CSMD1: variants seen among roughly 807,000 people sequenced by gnomAD.
CSMD1 encodes the protein CUB and Sushi multiple domains 1.
In CSMD1, 213 loss-of-function variants were observed where a neutral mutation model predicts 417.5. The ratio of observed to expected loss-of-function variants is 0.51; its 90% confidence interval spans 0.46 to 0.57. The LOEUF (loss-of-function observed/expected upper bound fraction) is 0.57, where lower values mean the gene tolerates loss of function less well. Among genes scored for constraint, CSMD1 ranks in the 20% least tolerant of loss-of-function variants. The probability of loss-of-function intolerance (pLI) is 0.00; values close to 1 mark genes in which losing one functional copy is unlikely to be tolerated. For missense variants in CSMD1, 6,923 were observed against 4,529.7 expected, an observed-to-expected ratio of 1.53 and a Z score of -15.17; for synonymous variants, 2,862 against 1,736.8, an observed-to-expected ratio of 1.65 and a Z score of -16.11.
At chr8:4,581,089 T>A (rs901561671) in intron 2 of CSMD1, among the ~76,000 whole-genome samples, 3 of 152,166 alleles carry the variant, frequency 2.0e-5, no homozygotes, top group Non-Finnish European at 4.4e-5. Flanking sequence ...CATTTTAAGG[T>A]AAACATTCAA....
chr8:3,430,337 T>A (rs1814136403), intron 12 of CSMD1, among the ~76,000 whole-genome samples: 1 of 152,200 alleles, frequency 6.6e-6, no homozygotes, highest in African/African-American at 2.4e-5. Context: ...ATTTTGTATG[T>A]GTTGTATAGA....
intron 40 of CSMD1, among the ~76,000 whole-genome samples, chr8:3,150,074 G>T (rs1221420416): frequency 6.6e-6 from 1 of 152,130 alleles, no homozygotes; most frequent in East Asian, 1.9e-4. Flanking sequence ...GCCCAGCTTG[G>T]GAGAACAGTG....
At chr8:4,858,515 C>G (rs892907307) in intron 1 of CSMD1, among the ~76,000 whole-genome samples, 3 of 151,900 alleles carry the variant, frequency 2.0e-5, no homozygotes, top group Non-Finnish European at 4.4e-5. Context: ...TCCAGAAAAC[C>G]CCAATGTCTC....
intron 52 of CSMD1, among the ~76,000 whole-genome samples, chr8:3,017,191 T>G (rs1808909094): frequency 6.6e-6 from 1 of 152,188 alleles, no homozygotes; most frequent in African/African-American, 2.4e-5. Context: ...GACGTGAGTG[T>G]CTCGGACCAC....
intron 38 of CSMD1, among the ~76,000 whole-genome samples, chr8:3,158,793 G>T (rs2129038892): frequency 1.3e-5 from 2 of 152,044 alleles, no homozygotes; most frequent in Middle Eastern, 3.4e-3. Flanking sequence ...AGCCAGGTTT[G>T]CTTATCTCAT....
chr8:3,173,517 T>A (rs1205067568), intron 37 of CSMD1, among the ~76,000 whole-genome samples: 1 of 152,202 alleles, frequency 6.6e-6, no homozygotes, highest in Non-Finnish European at 1.5e-5. Flanking sequence ...GAAAATTTTT[T>A]GAAATGAATA....
At chr8:4,427,970 G>A (rs150941624) in intron 2 of CSMD1, among the ~76,000 whole-genome samples, 1 of 152,096 alleles carries the variant, frequency 6.6e-6, no homozygotes, top group Non-Finnish European at 1.5e-5. Flanking sequence ...CTGACTCCTT[G>A]CTGTGACACC....
chr8:3,495,642 C>A (rs984827206), intron 10 of CSMD1, among the ~76,000 whole-genome samples: 1 of 152,172 alleles, frequency 6.6e-6, no homozygotes, highest in African/African-American at 2.4e-5. Context: ...TGTCATATGG[C>A]ATTTTACAAA....
intron 6 of CSMD1, among the ~76,000 whole-genome samples, chr8:3,732,364 G>A (rs1489720060): frequency 6.6e-6 from 1 of 151,782 alleles, no homozygotes; most frequent in Non-Finnish European, 1.5e-5. Flanking sequence ...GTAAACCAAT[G>A]AAATTTTATT....
chr8:4,221,753 C>A (rs1039977920), intron 3 of CSMD1, among the ~76,000 whole-genome samples: 39 of 152,250 alleles, frequency 2.6e-4, no homozygotes, highest in African/African-American at 8.9e-4. Flanking sequence ...GCTGGGCTAG[C>A]CTACATTGAG....
chr8:4,294,891 G>C (rs1353140052), intron 3 of CSMD1, among the ~76,000 whole-genome samples: 2 of 151,726 alleles, frequency 1.3e-5, no homozygotes, highest in Admixed American at 1.3e-4. Context: ...AGCTGTCAAT[G>C]TGTATGGAAC....
Position 3,498,486 on chromosome 8 carries a change from T to C in CSMD1, c.1345-4760A>G, listed in dbSNP as rs146491077. On this transcript the variant is annotated intron_variant, in intron 10 of 69. Coordinates refer to ENST00000635120, the MANE Select transcript of CSMD1 (RefSeq NM_033225.6). Reference sequence around the variant, plus strand: ...TTATAATGCTCTTTGGAGAGCATCTTTGGCATTAGATCTGTTTGGTGATCT... The same window carrying C: ...TTATAATGCTCTTTGGAGAGCATCTCTGGCATTAGATCTGTTTGGTGATCT... 2.3e-3 allele frequency among the ~76,000 whole-genome samples: 356 copies of C among 152,326 alleles called. 2 individuals are homozygous for C. Among genetic ancestry groups the C allele is most frequent in the African/African-American group, 7.9e-3 (329 of 41,576 alleles).
intron 1 of CSMD1, among the ~76,000 whole-genome samples, chr8:4,848,715 T>C (rs573897806): frequency 6.6e-6 from 1 of 152,118 alleles, no homozygotes; most frequent in Non-Finnish European, 1.5e-5. Context: ...AATTTTTGTA[T>C]ATTTTTATAG....
chr8:3,734,385 C>CT (rs1354778860), intron 6 of CSMD1, among the ~76,000 whole-genome samples: 1 of 152,166 alleles, frequency 6.6e-6, no homozygotes, highest in Non-Finnish European at 1.5e-5. Flanking sequence ...TTGCTTCTGC[C>CT]TGGAAGCATT....
intron 3 of CSMD1, among the ~76,000 whole-genome samples, chr8:4,036,976 T>A (rs1353189289): frequency 6.6e-6 from 1 of 151,564 alleles, no homozygotes; most frequent in Non-Finnish European, 1.5e-5. Flanking sequence ...TGTGTGTGTG[T>A]GTGTGTGTGT....
chr8:4,207,725 A>G (rs951285474), intron 3 of CSMD1, among the ~76,000 whole-genome samples: 5 of 152,106 alleles, frequency 3.3e-5, no homozygotes, highest in African/African-American at 1.2e-4. Context: ...TATTAATAGC[A>G]AAATAACAGT....
At chr8:4,183,881 G>T (rs1045980054) in intron 3 of CSMD1, among the ~76,000 whole-genome samples, 1 of 152,034 alleles carries the variant, frequency 6.6e-6, no homozygotes, top group African/African-American at 2.4e-5. Context: ...TTTTAGTTGG[G>T]GCATGTGGAC....
At chr8:4,900,584 C>T (rs370619339) in intron 1 of CSMD1, among the ~76,000 whole-genome samples, 1 of 152,160 alleles carries the variant, frequency 6.6e-6, no homozygotes, top group Middle Eastern at 3.2e-3. Flanking sequence ...TTTCTGGCCT[C>T]TTCTGATTTC....
chr8:2,998,013 C>T lies in CSMD1; in HGVS notation c.8375G>A (p.Arg2792Gln), dbSNP rs759605369. ...GQWSSPLPTC[R>Q]VVNCSDPGFV... ...TCATTCCTGGATGCTGTTCCTACCT[C>T]GACACGTGGGCAGAGGGCTACTCCA... Residue 2792 changes from arginine (R) to glutamine (Q), a missense_variant and splice_region_variant, in exon 54 of 70, where the codon CGA (arginine) becomes CAA (glutamine). Arg to Gln is a conservative substitution (Grantham distance 43). Coordinates refer to ENST00000635120, the MANE Select transcript of CSMD1 (RefSeq NM_033225.6). The T allele has an allele frequency of 8.7e-6, 14 of 1,613,000 alleles. No individual in the cohort carries two copies. In the Admixed American group the frequency reaches 1.0e-4, roughly 12 times the overall value.
Sources: gnomAD v4.1 joint callset for allele counts (sites outside exome capture counted in the v4.1 genomes callset) on GRCh38, gnomAD v4.1.1 for gene constraint, MANE v1.5 for transcripts, NCBI Gene and HGNC (gene_info 2026-07-23, HGNC 2026-07-21) for gene names.